Variants in CLNK observed in about 807,000 individuals in gnomAD.
The protein encoded by CLNK is cytokine-dependent hematopoietic cell linker.
Under a neutral mutation model 68.6 loss-of-function variants are expected in CLNK, and 74 were observed. That is an observed-to-expected ratio of 1.08 (90% CI 0.89 to 1.31). The LOEUF (loss-of-function observed/expected upper bound fraction) is 1.31, where lower values mean the gene tolerates loss of function less well. Ranked by LOEUF, CLNK falls within the 50% of genes most tolerant of loss-of-function variation. The pLI is 0.00. For missense variants in CLNK, 553 were observed against 515.3 expected (o/e 1.07, Z -0.71); for synonymous variants, 198 against 172.2 (o/e 1.15, Z -1.17).
chr4:10,581,567 A>C (rs1200383989), intron 4 of CLNK, among the ~76,000 whole-genome samples: 1 of 152,186 alleles, frequency 6.6e-6, no homozygotes, highest in Non-Finnish European at 1.5e-5. Context: ...GGCCCTTGGA[A>C]GTTTACTTCT....
intron 5 of CLNK, among the ~76,000 whole-genome samples, chr4:10,571,356 CAG>C (rs1720340329): frequency 1.0e-5 from 1 of 99,296 alleles, no homozygotes; most frequent in African/African-American, 4.0e-5. Flanking sequence ...TTTTTTGAGA[CAG>C]AGTTTCGCTC....
chr4:10,718,780 C>T, the CLNK span, among the ~76,000 whole-genome samples: 2 of 151,944 alleles, frequency 1.3e-5, no homozygotes, highest in African/African-American at 4.8e-5. Context: ...TTCTTGTTCT[C>T]TTGAGTCTTC....
rs535890834 is a variant in CLNK at position 10,491,162 on chromosome 4, C to G, written c.1141-549G>C. Among the ~76,000 whole-genome samples, 40 of 152,288 alleles carry G rather than the reference C, an allele frequency of 2.6e-4. No homozygotes were observed. In the South Asian group the frequency reaches 7.7e-3, roughly 29 times the overall value. On this transcript the variant is annotated intron_variant, in intron 18 of 18. Transcript: ENST00000226951. ...ATTCTTGAGAGAACCAAAAGTGAGCCCTATGGCAGCTCTTTAAACTTCCTA... is the reference window on the plus strand; with the variant it reads ...ATTCTTGAGAGAACCAAAAGTGAGCGCTATGGCAGCTCTTTAAACTTCCTA...
the CLNK span, among the ~76,000 whole-genome samples, chr4:10,702,126 G>A: frequency 6.6e-6 from 1 of 152,180 alleles, no homozygotes; most frequent in Non-Finnish European, 1.5e-5. Flanking sequence ...CATTGAAGAT[G>A]TTTTACATAC....
intron 2 of CLNK, among the ~76,000 whole-genome samples, chr4:10,641,798 G>A (rs4543107): frequency 0.33 from 49,754 of 152,022 alleles, 9,382 homozygotes; most frequent in African/African-American, 0.52. Flanking sequence ...TATTGTGGGA[G>A]GGACCCGGTT....
intron 18 of CLNK, among the ~76,000 whole-genome samples, chr4:10,500,432 G>A (rs1469100244): frequency 1.3e-5 from 2 of 152,202 alleles, no homozygotes; most frequent in Non-Finnish European, 2.9e-5. Context: ...TGTAATCCCA[G>A]CACTTTGGGA....
the CLNK span, among the ~76,000 whole-genome samples, chr4:10,726,015 G>A: frequency 2.0e-5 from 3 of 152,194 alleles, no homozygotes; most frequent in South Asian, 2.1e-4. Flanking sequence ...ACCAGAGGCT[G>A]TGAGCAAGGT....
At chr4:10,517,047 T>G (rs1468593081) in intron 15 of CLNK, among the ~76,000 whole-genome samples, 2 of 152,192 alleles carry the variant, frequency 1.3e-5, no homozygotes, top group Non-Finnish European at 2.9e-5. Context: ...AAAATGTTAT[T>G]TTATAAATAA....
At chr4:10,715,815 T>A in the CLNK span, among the ~76,000 whole-genome samples, 1 of 152,204 alleles carries the variant, frequency 6.6e-6, no homozygotes. Flanking sequence ...TCAGGCATGG[T>A]TATCTCACTT....
chr4:10,591,976 C>T (rs966795801), intron 3 of CLNK, among the ~76,000 whole-genome samples: 3 of 152,202 alleles, frequency 2.0e-5, no homozygotes, highest in Admixed American at 1.3e-4. Context: ...TAGTGCCACT[C>T]ACAACTCTCA....
At chr4:10,587,754 CA>C (rs1285584535) in intron 3 of CLNK, among the ~76,000 whole-genome samples, 2 of 152,192 alleles carry the variant, frequency 1.3e-5, no homozygotes. Context: ...ACAACTTGCC[CA>C]ATCCACAGAG....
intron 2 of CLNK, among the ~76,000 whole-genome samples, chr4:10,631,577 T>G (rs1722892713): frequency 6.6e-6 from 1 of 152,072 alleles, no homozygotes; most frequent in Non-Finnish European, 1.5e-5. Context: ...TATGCAATGG[T>G]CAGGAACTAG....
At chr4:10,645,893 A>C (rs1241039706) in intron 2 of CLNK, among the ~76,000 whole-genome samples, 1 of 152,158 alleles carries the variant, frequency 6.6e-6, no homozygotes, top group East Asian at 1.9e-4. Flanking sequence ...TATCCCAAAT[A>C]CCTTGATTTT....
At chr4:10,670,725 A>G (rs955564504) in intron 1 of CLNK, among the ~76,000 whole-genome samples, 3 of 152,134 alleles carry the variant, frequency 2.0e-5, no homozygotes, top group African/African-American at 4.8e-5. Context: ...AAAAAATACA[A>G]TCCATCAATA....
intron 4 of CLNK, among the ~76,000 whole-genome samples, chr4:10,580,095 G>T (rs374852584): frequency 2.6e-5 from 4 of 152,194 alleles, no homozygotes; most frequent in Middle Eastern, 3.4e-3. Context: ...CACCCCACAT[G>T]TGTCCATGTT....
intron 6 of CLNK, among the ~76,000 whole-genome samples, chr4:10,565,043 T>G (rs1323202433): frequency 2.6e-5 from 4 of 152,216 alleles, no homozygotes; most frequent in South Asian, 2.1e-4. Flanking sequence ...TCTTACAAAA[T>G]TTTGGCTATG....
the CLNK span, among the ~76,000 whole-genome samples, chr4:10,691,581 G>T: frequency 2.0e-5 from 3 of 151,814 alleles, no homozygotes; most frequent in East Asian, 5.8e-4. Flanking sequence ...AAATCTGGCT[G>T]GGAGTGTGAC....
At chr4:10,658,713 C>A (rs769279921) in intron 2 of CLNK, among the ~76,000 whole-genome samples, 179 of 152,108 alleles carry the variant, frequency 1.2e-3, no homozygotes, top group Non-Finnish European at 2.1e-3. Flanking sequence ...GCAGAGCTGG[C>A]CAGACTGTTA....
chr4:10,640,372 G>A (rs1025023383), intron 2 of CLNK, among the ~76,000 whole-genome samples: 7 of 152,144 alleles, frequency 4.6e-5, no homozygotes, highest in Non-Finnish European at 7.3e-5. Context: ...CGCCATTTTG[G>A]CCAGGCTGGT....
Sources: allele counts gnomAD v4.1 joint callset (sites outside exome capture counted in the v4.1 genomes callset), GRCh38; gene constraint gnomAD v4.1.1; transcripts MANE v1.5; gene names NCBI Gene and HGNC (gene_info 2026-07-23, HGNC 2026-07-21).